Variants in CSMD1 observed in about 807,000 individuals in gnomAD.
CSMD1 encodes the protein CUB and Sushi multiple domains 1.
A neutral mutation model predicts 417.5 loss-of-function variants in CSMD1; 213 were observed. The ratio of observed to expected loss-of-function variants is 0.51; its 90% CI spans 0.46 to 0.57. The LOEUF is 0.57. Ranked by LOEUF, CSMD1 falls within the 20% of genes least tolerant of loss-of-function variation. The pLI is 0.00. For synonymous variants in CSMD1, 2,862 were observed against 1,736.8 expected (o/e 1.65, Z -16.11); for missense variants, 6,923 against 4,529.7 (o/e 1.53, Z -15.17).
At chr8:4,736,057 G>A (rs182466325) in intron 1 of CSMD1, among the ~76,000 whole-genome samples, 3 of 152,304 alleles carry the variant, frequency 2.0e-5, no homozygotes, top group African/African-American at 7.2e-5. Flanking sequence ...GTATTGCCCT[G>A]TGTTAGCCTT....
chr8:3,191,077 G>C (rs1272536117), intron 33 of CSMD1, among the ~76,000 whole-genome samples: 2 of 152,188 alleles, frequency 1.3e-5, no homozygotes, highest in South Asian at 2.1e-4. Flanking sequence ...TAAGAGGGTA[G>C]ATTTTTCTAA....
At chr8:4,156,638 G>C (rs574514408) in intron 3 of CSMD1, among the ~76,000 whole-genome samples, 2 of 152,192 alleles carry the variant, frequency 1.3e-5, no homozygotes, top group Non-Finnish European at 2.9e-5. Context: ...TTTGCTATTT[G>C]GTGATACCAG....
At chr8:3,437,552 G>A (rs755251967) in intron 12 of CSMD1, among the ~76,000 whole-genome samples, 1 of 152,114 alleles carries the variant, frequency 6.6e-6, no homozygotes, top group Non-Finnish European at 1.5e-5. Flanking sequence ...AACGTATCCA[G>A]GGAAAAACTG....
intron 1 of CSMD1, among the ~76,000 whole-genome samples, chr8:4,761,215 C>G (rs1812019929): frequency 6.6e-6 from 1 of 151,984 alleles, no homozygotes; most frequent in Non-Finnish European, 1.5e-5. Context: ...CCAGAGTAGC[C>G]AGGAGGTCAC....
At chr8:3,363,468 G>C (rs1235248603) in intron 20 of CSMD1, among the ~76,000 whole-genome samples, 9 of 152,178 alleles carry the variant, frequency 5.9e-5, no homozygotes, top group Admixed American at 5.9e-4. Flanking sequence ...GACACCCTCT[G>C]ACCTGGACAG....
chr8:3,874,930 T>A (rs1805713430), intron 5 of CSMD1, among the ~76,000 whole-genome samples: 3 of 152,160 alleles, frequency 2.0e-5, no homozygotes, highest in African/African-American at 7.2e-5. Flanking sequence ...GGGAAGACCT[T>A]GGGGCCTGAC....
At chr8:3,739,891 G>A (rs1311408427) in intron 6 of CSMD1, among the ~76,000 whole-genome samples, 1 of 152,090 alleles carries the variant, frequency 6.6e-6, no homozygotes, top group African/African-American at 2.4e-5. Flanking sequence ...AGTAAATAAT[G>A]CTGGTTGCAG....
intron 6 of CSMD1, among the ~76,000 whole-genome samples, chr8:3,719,623 C>T (rs75952348): frequency 0.05 from 7,660 of 152,198 alleles, 422 homozygotes; most frequent in African/African-American, 0.14. Flanking sequence ...GCTCTATGCA[C>T]AGAGGAAAGT....
At chr8:3,523,730 C>G (rs1797616357) in intron 10 of CSMD1, among the ~76,000 whole-genome samples, 1 of 150,710 alleles carries the variant, frequency 6.6e-6, no homozygotes. Context: ...TGCATGCACA[C>G]TCAGAGACAC....
intron 26 of CSMD1, among the ~76,000 whole-genome samples, chr8:3,253,427 C>T (rs550795133): frequency 1.8e-4 from 27 of 152,200 alleles, no homozygotes; most frequent in Middle Eastern, 3.4e-3. Context: ...TTTACATTTG[C>T]TGAGGAGTGC....
chr8:3,986,682 T>C lies in CSMD1; in HGVS notation c.818+11221A>G, dbSNP rs548725588. Among the ~76,000 whole-genome samples the C allele has an allele frequency of 8.8e-4, 134 of 152,316 alleles. 1 individual carries two copies. The highest frequency in any genetic ancestry group is 2.7e-3 in the Admixed American group (42 of 15,294). ...TGAGATATGAGGGACAGAGTGAACA[T>C]TTTACAAGCATTTTACCATGGAAAA... On this transcript the variant is annotated intron_variant, in intron 5 of 69. Transcript: ENST00000635120.
chr8:3,531,075 G>C (rs1164740619), intron 10 of CSMD1, among the ~76,000 whole-genome samples: 2 of 151,358 alleles, frequency 1.3e-5, no homozygotes, highest in Non-Finnish European at 2.9e-5. Context: ...TGGCCAGGCT[G>C]ATCTCAAACT....
At chr8:4,485,185 G>T (rs568728671) in intron 2 of CSMD1, among the ~76,000 whole-genome samples, 5 of 151,986 alleles carry the variant, frequency 3.3e-5, no homozygotes, top group Non-Finnish European at 7.4e-5. Flanking sequence ...TATAAAGAGA[G>T]TGTCCTTAAT....
intron 12 of CSMD1, among the ~76,000 whole-genome samples, chr8:3,417,580 G>C (rs978385877): frequency 1.3e-5 from 2 of 152,174 alleles, no homozygotes; most frequent in African/African-American, 2.4e-5. Context: ...GGCTGCCATA[G>C]CTACTACATG....
At chr8:3,663,661 G>T (rs930943051) in intron 7 of CSMD1, among the ~76,000 whole-genome samples, 1 of 152,082 alleles carries the variant, frequency 6.6e-6, no homozygotes, top group Non-Finnish European at 1.5e-5. Context: ...GCAATCATTT[G>T]CCTCTTTTCT....
intron 1 of CSMD1, among the ~76,000 whole-genome samples, chr8:4,921,446 G>T (rs549911388): frequency 2.0e-5 from 3 of 152,250 alleles, no homozygotes; most frequent in Non-Finnish European, 2.9e-5. Flanking sequence ...TCATGTTAAA[G>T]ATAAGAATGT....
chr8:3,597,334 C>A (rs950611414), intron 8 of CSMD1, among the ~76,000 whole-genome samples: 2 of 152,108 alleles, frequency 1.3e-5, no homozygotes, highest in African/African-American at 4.8e-5. Flanking sequence ...GCATCTCTGT[C>A]TGGTTCCAAT....
rs976554348 is a variant in CSMD1 at position 3,924,339 on chromosome 8, C to G, written c.818+73564G>C. Among the ~76,000 whole-genome samples the G allele has an allele frequency of 3.3e-5, 5 of 152,148 alleles. No homozygotes were observed. The South Asian group carries it at 1.0e-3, about 32-fold the overall frequency. ...TATGACTTTTGACAGTTTAAAGTGT[C>G]TCAATGAGAATCACTAAAAGCTCAA... On this transcript the variant is annotated intron_variant, in intron 5 of 69. Transcript: ENST00000635120.
intron 5 of CSMD1, among the ~76,000 whole-genome samples, chr8:3,802,140 A>G (rs1202078830): frequency 6.6e-6 from 1 of 152,182 alleles, no homozygotes; most frequent in African/African-American, 2.4e-5. Context: ...ATATCCTCAG[A>G]TACTGCAGCA....
Sources: allele counts gnomAD v4.1 joint callset (sites outside exome capture counted in the v4.1 genomes callset), GRCh38; gene constraint gnomAD v4.1.1; transcripts MANE v1.5; gene names NCBI Gene and HGNC (gene_info 2026-07-23, HGNC 2026-07-21).